KTN1: variants seen among roughly 807,000 people sequenced by gnomAD.
The protein encoded by KTN1 is kinectin.
KTN1 carries 130 observed loss-of-function variants against 222.5 expected under a neutral mutation model. The ratio of observed to expected loss-of-function variants is 0.58; its 90% CI spans 0.51 to 0.68. KTN1 has a LOEUF of 0.68. Ranked by LOEUF, KTN1 falls within the 30% of genes least tolerant of loss-of-function variation. The pLI, the probability that KTN1 is intolerant of heterozygous loss-of-function variation, is 0.00. For synonymous variants in KTN1, 512 were observed against 496.3 expected (o/e 1.03, Z -0.42); for missense variants, 1,508 against 1,500.4 (o/e 1.01, Z -0.08).
chr14:55,658,253 G>GTT (rs2043720076), intron 29 of KTN1, among the ~76,000 whole-genome samples: 1 of 152,098 alleles, frequency 6.6e-6, no homozygotes, highest in South Asian at 2.1e-4. Flanking sequence ...AACCCAAAAT[G>GTT]TTACTAGAGT....
chr14:55,588,680 T>G (rs1326404821), intron 1 of KTN1, among the ~76,000 whole-genome samples: 7 of 152,198 alleles, frequency 4.6e-5, no homozygotes, highest in African/African-American at 1.7e-4. Context: ...GCAGTTAATT[T>G]TATGCAGTTG....
intron 6 of KTN1, among the ~76,000 whole-genome samples, chr14:55,628,480 G>T (rs1012805961): frequency 9.2e-5 from 14 of 152,110 alleles, no homozygotes; most frequent in African/African-American, 3.4e-4. Context: ...ACTTTGAGAG[G>T]TTAATAGTAA....
At chr14:55,611,066 G>T (rs1411892022) in intron 1 of KTN1, among the ~76,000 whole-genome samples, 1 of 152,178 alleles carries the variant, frequency 6.6e-6, no homozygotes, top group East Asian at 1.9e-4. Flanking sequence ...ACTGAGATAA[G>T]TTCCTAACTT....
intron 1 of KTN1, among the ~76,000 whole-genome samples, chr14:55,586,223 G>A (rs2032958366): frequency 6.6e-6 from 1 of 152,106 alleles, no homozygotes; most frequent in African/African-American, 2.4e-5. Flanking sequence ...AACAGCTTGG[G>A]CACTAGGGAG....
intron 6 of KTN1, among the ~76,000 whole-genome samples, chr14:55,628,640 C>T (rs1212931778): frequency 6.6e-6 from 1 of 152,134 alleles, no homozygotes; most frequent in African/African-American, 2.4e-5. Context: ...ATTTATGAGT[C>T]ATTCACCTAG....
chr14:55,675,494 G>A (rs2045816401), intron 40 of KTN1: 1 of 179,744 alleles, frequency 5.6e-6, no homozygotes, highest in African/African-American at 2.4e-5. Context: ...AAAACTAACG[G>A]GTAAAGTATC....
chr14:55,589,345 C>G (rs1309173488), intron 1 of KTN1, among the ~76,000 whole-genome samples: 1 of 152,170 alleles, frequency 6.6e-6, no homozygotes, highest in East Asian at 1.9e-4. Context: ...GTCACCCAGG[C>G]TGGAGTGCAG....
chr14:55,594,165 T>C (rs1208318528), intron 1 of KTN1, among the ~76,000 whole-genome samples: 2 of 152,186 alleles, frequency 1.3e-5, no homozygotes, highest in African/African-American at 2.4e-5. Context: ...AGGATCCTTA[T>C]TGGAAGTCGT....
chr14:55,664,122 C>G (rs1190648116), intron 33 of KTN1, 81 bp downstream of exon 33: 1 of 825,378 alleles, frequency 1.2e-6, no homozygotes, highest in Non-Finnish European at 1.9e-6. Context: ...AAAGCATTTA[C>G]TTTTACTGCA....
At chr14:55,630,191 G>A (rs2040358620) in intron 7 of KTN1, 94 bp downstream of exon 7, 2 of 1,121,990 alleles carry the variant, frequency 1.8e-6, no homozygotes, top group Admixed American at 2.0e-5. Context: ...CCCTTTCTTG[G>A]GCCATCAACA....
chr14:55,619,151 C>G (rs2038793257), intron 4 of KTN1, 31 bp from the exon 5 acceptor site: 2 of 1,568,226 alleles, frequency 1.3e-6, no homozygotes, highest in Non-Finnish European at 1.7e-6. Context: ...TAAATGCCAA[C>G]TCTTTGTTTG....
chr14:55,612,608 A>G, intron 2 of KTN1, 37 bp downstream of exon 2: 1 of 1,501,334 alleles, frequency 6.7e-7, no homozygotes. Context: ...ATTTTATTGT[A>G]TGATTTGGAG....
chr14:55,632,925 C>T (rs765517229), intron 7 of KTN1, among the ~76,000 whole-genome samples: 14 of 152,024 alleles, frequency 9.2e-5, no homozygotes, highest in African/African-American at 2.4e-4. Context: ...TGAATCTATT[C>T]GGTAGGAAAG....
At chr14:55,603,244 C>T (rs866747375) in intron 1 of KTN1, among the ~76,000 whole-genome samples, 1 of 152,054 alleles carries the variant, frequency 6.6e-6, no homozygotes, top group African/African-American at 2.4e-5. Context: ...TCATATTCTC[C>T]TCCAAGTTCC....
At chr14:55,602,608 G>A (rs942191388) in intron 1 of KTN1, among the ~76,000 whole-genome samples, 5 of 151,054 alleles carry the variant, frequency 3.3e-5, no homozygotes, top group African/African-American at 1.2e-4. Flanking sequence ...TTGAGAGAGG[G>A]TCTCCCTCTG....
In KTN1 at chr14:55,616,514, A is replaced by T; in HGVS notation, c.524-3A>T. On this transcript the variant is annotated splice_region_variant and splice_polypyrimidine_tract_variant and intron_variant, in intron 2 of 43. Transcript: ENST00000395314. ...TTATTTTTTTTGTTTGTGTTTAATA[A>T]AGATGACCAGGATAAAAAGGTGGAA... 6.4e-7 allele frequency: 1 copy of T among 1,569,542 alleles called. No individual in the cohort carries two copies. The highest frequency in any genetic ancestry group is 8.6e-7 in the Non-Finnish European group (1 of 1,166,796).
At chr14:55,643,710 C>T (rs2042018648) in intron 18 of KTN1, among the ~76,000 whole-genome samples, 1 of 152,102 alleles carries the variant, frequency 6.6e-6, no homozygotes, top group South Asian at 2.1e-4. Context: ...AAAAGTAAAA[C>T]CACCAGCCTT....
intron 29 of KTN1, 166 bp downstream of exon 29, chr14:55,656,298 A>C (rs2141171141): frequency 1.7e-6 from 1 of 587,934 alleles, no homozygotes; most frequent in Middle Eastern, 4.5e-4. Flanking sequence ...CCCATGCATA[A>C]AATGTGTGTA....
At chr14:55,675,659 T>C (rs2045829701) in intron 40 of KTN1, 176 bp from the exon 41 acceptor site, 1 of 448,854 alleles carries the variant, frequency 2.2e-6, no homozygotes, top group Non-Finnish European at 4.0e-6. Flanking sequence ...ATGTTTAGCT[T>C]TACAGATGGG....
Sources: allele counts gnomAD v4.1 joint callset (sites outside exome capture counted in the v4.1 genomes callset), GRCh38; gene constraint gnomAD v4.1.1; transcripts MANE v1.5; gene names NCBI Gene and HGNC (gene_info 2026-07-23, HGNC 2026-07-21).